PIP4K2A: variants seen among roughly 807,000 people sequenced by gnomAD.
PIP4K2A encodes the protein phosphatidylinositol-5-phosphate 4-kinase type 2 alpha, also known as phosphatidylinositol 5-phosphate 4-kinase type-2 alpha.
PIP4K2A carries 14 observed loss-of-function variants against 42.9 expected under a neutral mutation model. The observed-to-expected ratio is 0.33, with a 90% CI of 0.22 to 0.51. PIP4K2A has a LOEUF of 0.51. Among genes scored for constraint, PIP4K2A ranks in the 20% least tolerant of loss-of-function variants. PIP4K2A has a pLI of 0.97. For missense variants in PIP4K2A, 434 were observed against 519.8 expected (o/e 0.83, Z 1.61); for synonymous variants, 192 against 192.2 (o/e 1.00, Z 0.01).
chr10:22,651,755 G>A (rs1839001110), intron 1 of PIP4K2A, among the ~76,000 whole-genome samples: 1 of 152,250 alleles, frequency 6.6e-6, no homozygotes, highest in Admixed American at 6.5e-5. Flanking sequence ...CTGTGCTGGT[G>A]CCCGGGAGGC....
chr10:22,639,130 A>G (rs1404769503), intron 1 of PIP4K2A, among the ~76,000 whole-genome samples: 2 of 152,210 alleles, frequency 1.3e-5, no homozygotes, highest in Non-Finnish European at 2.9e-5. Context: ...TCCTCAGTAA[A>G]GAGCATCCAC....
chr10:22,609,528 A>ACC, intron 2 of PIP4K2A, 92 bp downstream of exon 2: 1 of 745,420 alleles, frequency 1.3e-6, no homozygotes, highest in Admixed American at 2.1e-5. Context: ...CTTTACTCCC[A>ACC]CCCATTGACA....
intron 3 of PIP4K2A, among the ~76,000 whole-genome samples, chr10:22,599,770 C>T (rs1296069369): frequency 6.6e-6 from 1 of 152,204 alleles, no homozygotes; most frequent in Non-Finnish European, 1.5e-5. Flanking sequence ...CTACCTTACA[C>T]TATCCTAGCT....
chr10:22,689,594 T>C lies in PIP4K2A; in HGVS notation c.144+24589A>G, dbSNP rs542324781. On this transcript the variant is annotated intron_variant, in intron 1 of 9. Coordinates refer to ENST00000376573, the MANE Select transcript of PIP4K2A (RefSeq NM_005028.5). ...GTATAAATGCAAACATCATGCCATT[T>C]TGTATCAGGGACTTGAGCATCTTCA... Among the ~76,000 whole-genome samples the C allele has an allele frequency of 3.7e-4, 56 of 152,314 alleles. No homozygotes were observed. In the South Asian group the frequency reaches 6.2e-3, roughly 17 times the overall value.
intron 1 of PIP4K2A, among the ~76,000 whole-genome samples, chr10:22,644,264 TC>T (rs1838836921): frequency 6.6e-6 from 1 of 152,008 alleles, no homozygotes; most frequent in South Asian, 2.1e-4. Context: ...CTTCAGCAAA[TC>T]TGTGGGCTCT....
intron 1 of PIP4K2A, among the ~76,000 whole-genome samples, chr10:22,685,786 A>G (rs1332071748): frequency 2.6e-5 from 4 of 152,006 alleles, no homozygotes; most frequent in Non-Finnish European, 4.4e-5. Context: ...GAGAAAAGCT[A>G]CCTAGTCCTA....
chr10:22,632,262 A>T (rs911640823), intron 1 of PIP4K2A, among the ~76,000 whole-genome samples: 28 of 152,206 alleles, frequency 1.8e-4, no homozygotes, highest in Admixed American at 1.8e-3. Flanking sequence ...GTCATCTTGT[A>T]TCAGTGTTAG....
chr10:22,600,044 C>T (rs886285041), intron 3 of PIP4K2A, among the ~76,000 whole-genome samples: 2 of 152,126 alleles, frequency 1.3e-5, no homozygotes, highest in African/African-American at 4.8e-5. Flanking sequence ...ACATAAATGT[C>T]AATTTAATTA....
intron 1 of PIP4K2A, among the ~76,000 whole-genome samples, chr10:22,644,918 G>A (rs1244051508): frequency 2.6e-5 from 4 of 152,114 alleles, no homozygotes; most frequent in Admixed American, 2.0e-4. Flanking sequence ...GAACTGCTTC[G>A]GTTAATTTCC....
chr10:22,537,330 C>T, intron 9 of PIP4K2A, 49 bp from the exon 10 acceptor site: 1 of 1,392,696 alleles, frequency 7.2e-7, no homozygotes, highest in Non-Finnish European at 1.0e-6. Flanking sequence ...TTATGATTTC[C>T]CCAAATTATT....
At chr10:22,663,471 T>C (rs1399037261) in intron 1 of PIP4K2A, among the ~76,000 whole-genome samples, 3 of 152,202 alleles carry the variant, frequency 2.0e-5, no homozygotes, top group African/African-American at 7.2e-5. Context: ...TTTTTTCTAA[T>C]TATAAAAGTA....
chr10:22,623,774 C>T (rs1838381981), intron 1 of PIP4K2A, among the ~76,000 whole-genome samples: 1 of 152,172 alleles, frequency 6.6e-6, no homozygotes, highest in Admixed American at 6.5e-5. Flanking sequence ...TGAAAAACAA[C>T]CACATGGGCT....
At chr10:22,698,939 A>C (rs151247211) in intron 1 of PIP4K2A, among the ~76,000 whole-genome samples, 1 of 152,348 alleles carries the variant, frequency 6.6e-6, no homozygotes, top group Non-Finnish European at 1.5e-5. Flanking sequence ...AAGAAGAAAG[A>C]AGCTTTATCT....
chr10:22,710,205 A>C (rs1387878797), intron 1 of PIP4K2A, among the ~76,000 whole-genome samples: 1 of 152,218 alleles, frequency 6.6e-6, no homozygotes, highest in Non-Finnish European at 1.5e-5. Flanking sequence ...ACAACACAGC[A>C]CATGGTGCTC....
At chr10:22,605,965 A>G (rs1029230038) in intron 3 of PIP4K2A, among the ~76,000 whole-genome samples, 2 of 152,020 alleles carry the variant, frequency 1.3e-5, no homozygotes, top group African/African-American at 4.8e-5. Context: ...TATTCTAATA[A>G]TTTTCTGTTA....
chr10:22,558,976 C>G (rs1473036446), intron 6 of PIP4K2A, among the ~76,000 whole-genome samples: 2 of 152,084 alleles, frequency 1.3e-5, no homozygotes, highest in Non-Finnish European at 2.9e-5. Flanking sequence ...GTGGTAATGT[C>G]AAAGGTGACG....
In PIP4K2A at chr10:22,537,229, A is replaced by G; in HGVS notation, c.1193T>C (p.Leu398Ser). Residue 398 changes from leucine (L) to serine (S), a missense_variant, in exon 10 of 10, where the codon TTG (leucine) becomes TCG (serine). This residue lies in a region of PIP4K2A where 39 missense variants were observed against 75.3 expected (regional missense o/e 0.52). Coordinates refer to ENST00000376573, the MANE Select transcript of PIP4K2A (RefSeq NM_005028.5). ...VNPEQYSKRF[L>S]DFIGHILT ...CGTCAAGATGTGGCCAATAAAGTCC[A>G]AAAAGCGCTTTGAATACTGTTCTGG... 1 of 1,606,428 alleles carries G rather than the reference A, an allele frequency of 6.2e-7. No individual in the cohort carries two copies.
rs957987188 is a variant in PIP4K2A at position 22,540,170 on chromosome 10, G to A, written c.1037-96C>T. On this transcript the variant is annotated intron_variant, in intron 8 of 9. Coordinates refer to ENST00000376573, the MANE Select transcript of PIP4K2A (RefSeq NM_005028.5). ...GGAGGGAGGGAGAAGTGAGCCTGGA[G>A]GGAGGGGATTCAATGGAACGCGGAT... 2.1e-5 allele frequency: 16 copies of A among 767,340 alleles called. No homozygotes were observed. In the Admixed American group the frequency reaches 2.7e-4, roughly 13 times the overall value. 47.5% of individuals were successfully genotyped at this position (767,340 alleles called of 1,614,324 possible). A position where few individuals can be genotyped will look rare whatever the true frequency, so the allele number is the denominator to read the frequency against.
chr10:22,653,127 G>A (rs1268592816), intron 1 of PIP4K2A, among the ~76,000 whole-genome samples: 1 of 152,080 alleles, frequency 6.6e-6, no homozygotes, highest in Non-Finnish European at 1.5e-5. Context: ...ACCACCCCCG[G>A]GGGTATGAAT....
Sources: gnomAD v4.1 joint callset for allele counts (sites outside exome capture counted in the v4.1 genomes callset) on GRCh38, gnomAD v4.1.1 for gene constraint, gnomAD v4.1.1 regional missense constraint, MANE v1.5 for transcripts, NCBI Gene and HGNC (gene_info 2026-07-23, HGNC 2026-07-21) for gene names.